Variants in RBKS observed in about 807,000 individuals in gnomAD.
The protein encoded by RBKS is ribokinase.
In RBKS, 33 loss-of-function variants were observed where a neutral mutation model predicts 33.9. That is an observed-to-expected ratio of 0.97 (90% CI 0.74 to 1.30). The LOEUF (loss-of-function observed/expected upper bound fraction) is 1.30, where lower values mean the gene tolerates loss of function less well. RBKS is among the 50% of genes most tolerant of loss of function. RBKS has a pLI of 0.00. For synonymous variants in RBKS, 125 were observed against 143.0 expected (o/e 0.87, Z 0.90); for missense variants, 361 against 392.6 (o/e 0.92, Z 0.68).
At chr2:27,865,345 A>G (rs1012068516) in intron 1 of RBKS, among the ~76,000 whole-genome samples, 1 of 150,790 alleles carries the variant, frequency 6.6e-6, no homozygotes, top group Admixed American at 6.6e-5. Flanking sequence ...CAAACAAACA[A>G]AATTCTTTAA....
At chr2:27,823,132 G>A (rs1558541885) in intron 7 of RBKS, among the ~76,000 whole-genome samples, 1 of 152,102 alleles carries the variant, frequency 6.6e-6, no homozygotes, top group African/African-American at 2.4e-5. Context: ...AAGAGAGGGC[G>A]GACATGCACT....
intron 7 of RBKS, among the ~76,000 whole-genome samples, chr2:27,805,232 T>C (rs1282213824): frequency 6.6e-6 from 1 of 152,174 alleles, no homozygotes; most frequent in Non-Finnish European, 1.5e-5. Flanking sequence ...TTAAGAAAGT[T>C]TACAAATTTG....
intron 6 of RBKS, 140 bp downstream of exon 6, chr2:27,832,546 C>T (rs1047164449): frequency 5.3e-5 from 35 of 659,950 alleles, no homozygotes; most frequent in Admixed American, 1.7e-4. Context: ...CTCCACACCC[C>T]GGTAAACTGA....
At chr2:27,785,206 A>G (rs1438142906) in intron 7 of RBKS, among the ~76,000 whole-genome samples, 1 of 152,252 alleles carries the variant, frequency 6.6e-6, no homozygotes, top group Non-Finnish European at 1.5e-5. Flanking sequence ...CATGAAAAAA[A>G]TAACAGGTTT....
At chr2:27,835,331 A>C (rs1037885714) in intron 5 of RBKS, among the ~76,000 whole-genome samples, 1 of 151,916 alleles carries the variant, frequency 6.6e-6, no homozygotes, top group African/African-American at 2.4e-5. Context: ...AGATCACTAC[A>C]GCTGTTAAAA....
At chr2:27,865,989 T>C (rs1439252474) in intron 1 of RBKS, among the ~76,000 whole-genome samples, 1 of 152,186 alleles carries the variant, frequency 6.6e-6, no homozygotes, top group African/African-American at 2.4e-5. Flanking sequence ...AGTCTTTGTA[T>C]TTACCCATAT....
chr2:27,851,487 T>A (rs1663743588), intron 2 of RBKS, among the ~76,000 whole-genome samples: 1 of 152,178 alleles, frequency 6.6e-6, no homozygotes, highest in Non-Finnish European at 1.5e-5. Flanking sequence ...CTTCTGTTCA[T>A]TTTCCTTGGA....
intron 7 of RBKS, among the ~76,000 whole-genome samples, chr2:27,783,918 A>AG (rs1314733662): frequency 6.8e-6 from 1 of 146,724 alleles, no homozygotes; most frequent in Non-Finnish European, 1.5e-5. Flanking sequence ...GAAAAAAAAA[A>AG]AGAAAAAAAA....
chr2:27,786,736 G>A (rs920465564), intron 7 of RBKS, among the ~76,000 whole-genome samples: 8 of 150,714 alleles, frequency 5.3e-5, no homozygotes, highest in African/African-American at 1.5e-4. Flanking sequence ...AGCCAAGACC[G>A]TGCCACTGCA....
At chr2:27,884,216 C>T (rs1664478350) in intron 1 of RBKS, among the ~76,000 whole-genome samples, 1 of 152,164 alleles carries the variant, frequency 6.6e-6, no homozygotes, top group African/African-American at 2.4e-5. Flanking sequence ...TTATGTCAAA[C>T]AAATACAAAC....
chr2:27,815,299 C>T (rs548590010), intron 7 of RBKS, among the ~76,000 whole-genome samples: 3 of 152,204 alleles, frequency 2.0e-5, no homozygotes, highest in African/African-American at 7.2e-5. Context: ...CCTTGGTCTC[C>T]CAGGCTCAAG....
chr2:27,878,598 A>G (rs1367693368), intron 1 of RBKS, among the ~76,000 whole-genome samples: 1 of 152,094 alleles, frequency 6.6e-6, no homozygotes, highest in Non-Finnish European at 1.5e-5. Context: ...TCCCTGAGGA[A>G]TCGCCACACT....
chr2:27,865,571 C>CTTT (rs5830052), intron 1 of RBKS, among the ~76,000 whole-genome samples: 26 of 63,956 alleles, frequency 4.1e-4, no homozygotes, highest in South Asian at 1.3e-3. Flanking sequence ...TCTCCTCCTC[C>CTTT]TTTTTTTTTT....
At chr2:27,879,585 C>T (rs990348431) in intron 1 of RBKS, among the ~76,000 whole-genome samples, 7 of 152,126 alleles carry the variant, frequency 4.6e-5, no homozygotes, top group African/African-American at 1.2e-4. Context: ...TGATCTTGGA[C>T]TCTCCATTGT....
At chr2:27,843,466 T>G (rs929787894) in intron 4 of RBKS, among the ~76,000 whole-genome samples, 16 of 152,216 alleles carry the variant, frequency 1.1e-4, no homozygotes, top group African/African-American at 3.9e-4. Flanking sequence ...CTTAAAAAGA[T>G]TTTCCCAATA....
intron 7 of RBKS, among the ~76,000 whole-genome samples, chr2:27,809,084 C>CA (rs1677944156): frequency 6.6e-6 from 1 of 152,258 alleles, no homozygotes; most frequent in Non-Finnish European, 1.5e-5. Context: ...GCAGCTCAAC[C>CA]ATAATGTTCT....
At chr2:27,844,421 C>T (rs1054531608) in intron 4 of RBKS, among the ~76,000 whole-genome samples, 2 of 152,070 alleles carry the variant, frequency 1.3e-5, no homozygotes, top group African/African-American at 4.8e-5. Flanking sequence ...ATTTTGGGGT[C>T]TCACTCTGTT....
intron 2 of RBKS, among the ~76,000 whole-genome samples, chr2:27,850,825 C>A (rs1663732196): frequency 6.6e-6 from 1 of 152,160 alleles, no homozygotes; most frequent in South Asian, 2.1e-4. Context: ...TATCAGTTCT[C>A]AATACTTAAA....
At position 27,847,043 on chromosome 2, in the gene RBKS, T is replaced by G. The variant is rs367616049; in HGVS notation, c.348A>C (p.Glu116Asp). The G allele has an allele frequency of 1.0e-5, 16 of 1,598,980 alleles. No homozygotes were observed. Among genetic ancestry groups the G allele is most frequent in the African/African-American group, 1.3e-5 (1 of 74,612 alleles). ...TGTASIIVNN[E>D]GQNIIVIVAG... Reference sequence around the variant, plus strand: ...CACTCCAATATGCAAAACACTTACCTTCATTATTGACAATTATAGAAGCAG... The same window carrying G: ...CACTCCAATATGCAAAACACTTACCGTCATTATTGACAATTATAGAAGCAG... Residue 116 changes from glutamate (E) to aspartate (D), a missense_variant and splice_region_variant, in exon 4 of 8, where the codon GAA becomes GAC. Physicochemically the swap from Glu to Asp is conservative, Grantham distance 45. Transcript: ENST00000302188.
Sources: allele counts gnomAD v4.1 joint callset (sites outside exome capture counted in the v4.1 genomes callset), GRCh38; gene constraint gnomAD v4.1.1; transcripts MANE v1.5; gene names NCBI Gene and HGNC (gene_info 2026-07-23, HGNC 2026-07-21).